The following THSD7A variants were observed in gnomAD, a reference collection of about 807,000 sequenced individuals.
The protein encoded by THSD7A is thrombospondin type-1 domain-containing protein 7A.
In THSD7A, 96 loss-of-function variants were observed where a neutral mutation model predicts 231.3. That is an observed-to-expected ratio of 0.41 (90% CI 0.35 to 0.49). The LOEUF (loss-of-function observed/expected upper bound fraction) is 0.49. THSD7A is among the 20% of genes least tolerant of loss of function. The pLI, the probability that THSD7A is intolerant of heterozygous loss-of-function variation, is 0.05. For missense variants in THSD7A, 2,290 were observed against 2,070.2 expected, an observed-to-expected ratio of 1.11 and a Z score of -2.06; for synonymous variants, 940 against 743.3, an observed-to-expected ratio of 1.26 and a Z score of -4.30.
At chr7:11,582,621 T>G (rs1406208758) in intron 4 of THSD7A, among the ~76,000 whole-genome samples, 2 of 152,176 alleles carry the variant, frequency 1.3e-5, no homozygotes, top group Non-Finnish European at 2.9e-5. Flanking sequence ...AGGCAATCCC[T>G]TTCACCTTTG....
intron 1 of THSD7A, among the ~76,000 whole-genome samples, chr7:11,784,172 A>G (rs1367775515): frequency 1.3e-5 from 2 of 151,914 alleles, no homozygotes; most frequent in Non-Finnish European, 2.9e-5. Flanking sequence ...CCAGAAAACC[A>G]TATATATGTA....
chr7:11,480,853 G>A (rs1039257214), intron 7 of THSD7A, among the ~76,000 whole-genome samples: 1 of 152,052 alleles, frequency 6.6e-6, no homozygotes, highest in African/African-American at 2.4e-5. Flanking sequence ...CCCCCAAATC[G>A]ATAATTTGGG....
chr7:11,429,540 TTCTTAAGAAA>T (rs1329095315), intron 13 of THSD7A, among the ~76,000 whole-genome samples: 1 of 152,218 alleles, frequency 6.6e-6, no homozygotes, highest in Non-Finnish European at 1.5e-5. Flanking sequence ...GCAACGTTCT[TTCTTAAGAAA>T]TCCCAGTCCC....
intron 4 of THSD7A, among the ~76,000 whole-genome samples, chr7:11,563,252 AT>A (rs1790151382): frequency 6.6e-6 from 1 of 152,138 alleles, no homozygotes; most frequent in African/African-American, 2.4e-5. Flanking sequence ...TCCTCAATCA[AT>A]TTTGAGCCAT....
At chr7:11,379,398 T>A in intron 25 of THSD7A, 118 bp from the exon 26 acceptor site, 2 of 1,001,488 alleles carry the variant, frequency 2.0e-6, no homozygotes, top group Non-Finnish European at 3.0e-6. Context: ...TATACATAAT[T>A]CCTCTATTAT....
intron 6 of THSD7A, among the ~76,000 whole-genome samples, chr7:11,537,450 A>G (rs1255238352): frequency 6.6e-6 from 1 of 152,166 alleles, no homozygotes; most frequent in East Asian, 1.9e-4. Flanking sequence ...GCCTTATGAT[A>G]GTGAGTGAGT....
At chr7:11,596,815 C>T (rs1780378205) in intron 2 of THSD7A, among the ~76,000 whole-genome samples, 1 of 152,218 alleles carries the variant, frequency 6.6e-6, no homozygotes, top group Non-Finnish European at 1.5e-5. Flanking sequence ...GGCTTCATTG[C>T]TTAAGCAAAT....
At chr7:11,693,258 ATGT>A (rs1188154211) in intron 1 of THSD7A, among the ~76,000 whole-genome samples, 2 of 151,590 alleles carry the variant, frequency 1.3e-5, no homozygotes, top group Non-Finnish European at 3.0e-5. Flanking sequence ...TTACTGTGAA[ATGT>A]TGTCATCTTC....
At chr7:11,618,721 G>T (rs1376062970) in intron 2 of THSD7A, among the ~76,000 whole-genome samples, 2 of 151,752 alleles carry the variant, frequency 1.3e-5, no homozygotes, top group East Asian at 1.9e-4. Flanking sequence ...CCGGGAGGCG[G>T]AGCTTGCAGT....
At chr7:11,820,908 T>A (rs1784855432) in intron 1 of THSD7A, 8 of 911,330 alleles carry the variant, frequency 8.8e-6, no homozygotes, top group Non-Finnish European at 1.4e-5. Flanking sequence ...ATTCACTGAT[T>A]CTCTAGATTT....
intron 13 of THSD7A, among the ~76,000 whole-genome samples, chr7:11,435,499 A>G (rs1784605237): frequency 6.6e-6 from 1 of 152,074 alleles, no homozygotes; most frequent in South Asian, 2.1e-4. Context: ...CCACATGGCC[A>G]ATGATTCTTC....
In THSD7A at chr7:11,811,242, G is replaced by A. The variant is rs529684635; in HGVS notation, c.190+20515C>T. On this transcript the variant is annotated intron_variant, in intron 1 of 27. Transcript: ENST00000423059. ...AATTATCAAGCACACACACACACACGAAACAATGCCATGCACTGTACACAA... is the reference window on the plus strand; with the variant it reads ...AATTATCAAGCACACACACACACACAAAACAATGCCATGCACTGTACACAA... 1.6e-4 allele frequency among the ~76,000 whole-genome samples: 24 copies of A among 151,914 alleles called. No homozygotes were observed. The South Asian group carries it at 1.9e-3, about 12-fold the overall frequency.
At chr7:11,419,048 G>T (rs1371898127) in intron 16 of THSD7A, among the ~76,000 whole-genome samples, 1 of 152,132 alleles carries the variant, frequency 6.6e-6, no homozygotes, top group Non-Finnish European at 1.5e-5. Context: ...GTGCTCAAAA[G>T]TTGCATTTGC....
chr7:11,399,834 T>G (rs1056353821), intron 23 of THSD7A, among the ~76,000 whole-genome samples: 1 of 152,202 alleles, frequency 6.6e-6, no homozygotes, highest in Non-Finnish European at 1.5e-5. Flanking sequence ...GGACTATAAA[T>G]CATGCTGCTA....
intron 1 of THSD7A, among the ~76,000 whole-genome samples, chr7:11,665,957 G>A (rs918230294): frequency 6.6e-6 from 1 of 152,146 alleles, no homozygotes; most frequent in African/African-American, 2.4e-5. Flanking sequence ...CTGTGGAAAT[G>A]AGGGGCTTTA....
intron 2 of THSD7A, among the ~76,000 whole-genome samples, chr7:11,617,558 TAA>T (rs755670068): frequency 6.6e-6 from 1 of 152,234 alleles, no homozygotes; most frequent in Non-Finnish European, 1.5e-5. Context: ...CTAGGATAGA[TAA>T]ATATATTTCT....
chr7:11,431,479 C>T (rs984466902), intron 13 of THSD7A, among the ~76,000 whole-genome samples: 4 of 152,038 alleles, frequency 2.6e-5, no homozygotes, highest in Non-Finnish European at 5.9e-5. Context: ...TGTTGTGGCA[C>T]CCTTGTTGAA....
chr7:11,638,152 G>A (rs1186212325), intron 1 of THSD7A, among the ~76,000 whole-genome samples: 1 of 152,184 alleles, frequency 6.6e-6, no homozygotes, highest in Non-Finnish European at 1.5e-5. Flanking sequence ...TTATTCACAT[G>A]GGGATTATGC....
At chr7:11,542,941 T>A (rs368083022) in intron 5 of THSD7A, 21 bp downstream of exon 5, 5 of 1,610,048 alleles carry the variant, frequency 3.1e-6, no homozygotes, top group Non-Finnish European at 4.2e-6. Flanking sequence ...ATAAAAGGCA[T>A]GTCATGGTCA....
Sources: allele counts gnomAD v4.1 joint callset (sites outside exome capture counted in the v4.1 genomes callset), GRCh38; gene constraint gnomAD v4.1.1; transcripts MANE v1.5; gene names NCBI Gene and HGNC (gene_info 2026-07-23, HGNC 2026-07-21).